The following FCHO2 variants were observed in gnomAD, a reference collection of about 807,000 sequenced individuals.
FCHO2 encodes the protein F-BAR domain only protein 2.
Under a neutral mutation model 114.1 loss-of-function variants are expected in FCHO2, and 43 were observed. The observed-to-expected ratio is 0.38, with a 90% CI of 0.30 to 0.49. The LOEUF (loss-of-function observed/expected upper bound fraction) is 0.49, where lower values mean the gene tolerates loss of function less well. FCHO2 is among the 20% of genes least tolerant of loss of function. The pLI, the probability that FCHO2 is intolerant of heterozygous loss-of-function variation, is 0.97. For synonymous variants in FCHO2, 293 were observed against 315.2 expected, an observed-to-expected ratio of 0.93 and a Z score of 0.75; for missense variants, 807 against 950.4, an observed-to-expected ratio of 0.85 and a Z score of 1.98.
At chr5:72,975,143 T>A (rs1006046503) in intron 2 of FCHO2, among the ~76,000 whole-genome samples, 2 of 152,190 alleles carry the variant, frequency 1.3e-5, no homozygotes. Context: ...ACATCACCTA[T>A]CTCTTTGTAG....
intron 10 of FCHO2, among the ~76,000 whole-genome samples, chr5:73,040,590 C>T (rs541184152): frequency 6.6e-6 from 1 of 152,254 alleles, no homozygotes; most frequent in Admixed American, 6.5e-5. Context: ...CATAGTTTTA[C>T]ATTTTAAATA....
chr5:72,994,729 G>A (rs1163683844), intron 5 of FCHO2, among the ~76,000 whole-genome samples: 1 of 152,026 alleles, frequency 6.6e-6, no homozygotes, highest in Admixed American at 6.6e-5. Context: ...GCCCATCAGT[G>A]ACATTTGATA....
chr5:73,018,254 A>G (rs1296842971), intron 8 of FCHO2, among the ~76,000 whole-genome samples: 2 of 152,182 alleles, frequency 1.3e-5, no homozygotes, highest in African/African-American at 4.8e-5. Context: ...CAATTGTATT[A>G]GTATTTTTCC....
At position 73,021,577 on chromosome 5, in the gene FCHO2, G is replaced by T. The variant is rs961945873; in HGVS notation, c.796+4269G>T. ...TTCATTCATCATGTGTTGAATGAAT[G>T]AACTCTTTAAAGAGCCCGGTTATTA... On this transcript the variant is annotated intron_variant, in intron 8 of 25. Coordinates refer to ENST00000430046, the MANE Select transcript of FCHO2 (RefSeq NM_138782.3). Among the ~76,000 whole-genome samples the T allele has an allele frequency of 7.2e-5, 11 of 152,104 alleles. No individual in the cohort carries two copies. The East Asian group carries it at 2.1e-3, about 29-fold the overall frequency.
At chr5:73,054,420 T>C in intron 14 of FCHO2, 105 bp from the exon 15 acceptor site, 1 of 1,013,686 alleles carries the variant, frequency 9.9e-7, no homozygotes, top group South Asian at 1.5e-5. Flanking sequence ...TGAGCAGATA[T>C]ACTAAAAACA....
intron 5 of FCHO2, among the ~76,000 whole-genome samples, chr5:73,003,233 C>T (rs1466389960): frequency 2.0e-5 from 3 of 152,162 alleles, no homozygotes; most frequent in Admixed American, 6.5e-5. Context: ...AGGCAGGTCT[C>T]GAACTCCTGG....
At chr5:72,975,999 G>C (rs1005746783) in intron 2 of FCHO2, among the ~76,000 whole-genome samples, 9 of 152,124 alleles carry the variant, frequency 5.9e-5, no homozygotes, top group African/African-American at 2.2e-4. Context: ...AAATACCAAG[G>C]AACGCAGTTA....
At position 73,052,540 on chromosome 5, in the gene FCHO2, A is replaced by G. The variant is rs1757390059; in HGVS notation, c.1173+33A>G. 7 of 1,514,676 alleles carry G rather than the reference A, an allele frequency of 4.6e-6. No individual in the cohort carries two copies. The South Asian group carries it at 7.7e-5, about 17-fold the overall frequency. 93.8% of individuals were successfully genotyped at this position (1,514,676 alleles called of 1,614,324 possible). A position where few individuals can be genotyped will look rare whatever the true frequency, so the allele number is the denominator to read the frequency against. On this transcript the variant is annotated intron_variant, in intron 13 of 25. Coordinates refer to ENST00000430046, the MANE Select transcript of FCHO2 (RefSeq NM_138782.3). ...CAAACACGTTTGTACTCTTTATATA[A>G]AAGTCTTTATTTTTCTTACCTACCT...
chr5:73,058,404 A>C (rs1034865468), intron 16 of FCHO2, 29 bp from the exon 17 acceptor site: 2 of 1,479,904 alleles, frequency 1.4e-6, no homozygotes, highest in Non-Finnish European at 1.8e-6. Flanking sequence ...TTCTCGTTAA[A>C]ATTTTTGCTT....
At chr5:73,072,714 G>A (rs1236474964) in intron 19 of FCHO2, among the ~76,000 whole-genome samples, 1 of 152,058 alleles carries the variant, frequency 6.6e-6, no homozygotes, top group East Asian at 1.9e-4. Context: ...GTAGAATGGT[G>A]GTTGCCAGGG....
At position 73,037,116 on chromosome 5, in the gene FCHO2, C is replaced by T. The variant is rs752119583; in HGVS notation, c.842-27C>T. 3 of 1,413,748 alleles carry T rather than the reference C, an allele frequency of 2.1e-6. No homozygotes were observed. The South Asian group carries it at 4.0e-5, about 19-fold the overall frequency. The allele number at this position is 1,413,748 out of a possible 1,614,324, so 87.6% of individuals were successfully genotyped here. A position where few individuals can be genotyped will look rare whatever the true frequency, so the allele number is the denominator to read the frequency against. Reference sequence around the variant, plus strand: ...ATGTTTATCAGGAATGTTTATGTTTCTGTAACAATATATATTTATTTTAAA... The same window carrying T: ...ATGTTTATCAGGAATGTTTATGTTTTTGTAACAATATATATTTATTTTAAA... On this transcript the variant is annotated intron_variant, in intron 9 of 25. Transcript: ENST00000430046.
At chr5:72,983,405 C>T (rs2112649904) in intron 2 of FCHO2, among the ~76,000 whole-genome samples, 1 of 151,654 alleles carries the variant, frequency 6.6e-6, no homozygotes, top group Non-Finnish European at 1.5e-5. Flanking sequence ...TTTTTTGAGA[C>T]AGTGTCTTGT....
chr5:73,037,254 T>C (rs1395209720), intron 10 of FCHO2, 39 bp downstream of exon 10: 17 of 1,442,676 alleles, frequency 1.2e-5, no homozygotes, highest in Non-Finnish European at 1.5e-5. Flanking sequence ...TTTTTGTTTT[T>C]ATAAGTGATT....
At chr5:72,975,914 T>C (rs1752843040) in intron 2 of FCHO2, among the ~76,000 whole-genome samples, 2 of 152,240 alleles carry the variant, frequency 1.3e-5, no homozygotes, top group African/African-American at 4.8e-5. Context: ...TTGGCAATTA[T>C]GAATACAGCT....
intron 6 of FCHO2, 111 bp from the exon 7 acceptor site, chr5:73,015,515 A>T (rs1269743483): frequency 8.7e-6 from 5 of 572,652 alleles, no homozygotes; most frequent in Admixed American, 4.2e-5. Context: ...CACCTGCCTC[A>T]GCCTCCCAAA....
intron 8 of FCHO2, among the ~76,000 whole-genome samples, chr5:73,033,385 G>A (rs1756334285): frequency 6.6e-6 from 1 of 151,982 alleles, no homozygotes. Context: ...TAAATCTTAG[G>A]TTTAGGGGGA....
At chr5:73,019,089 A>G (rs1755469271) in intron 8 of FCHO2, among the ~76,000 whole-genome samples, 3 of 152,204 alleles carry the variant, frequency 2.0e-5, no homozygotes, top group Non-Finnish European at 1.5e-5. Flanking sequence ...AGGTTGTGCT[A>G]CTAGTGCCAG....
intron 8 of FCHO2, among the ~76,000 whole-genome samples, chr5:73,019,198 A>G (rs1171104539): frequency 6.6e-6 from 1 of 152,200 alleles, no homozygotes; most frequent in Admixed American, 6.6e-5. Context: ...TTGGACATGT[A>G]TTAGGAGCTG....
At chr5:73,066,218 A>G (rs985476833) in intron 18 of FCHO2, among the ~76,000 whole-genome samples, 5 of 151,938 alleles carry the variant, frequency 3.3e-5, no homozygotes, top group African/African-American at 2.4e-5. Flanking sequence ...CCCTCTCCCC[A>G]TCCTTGAGAG....
Sources: allele counts gnomAD v4.1 joint callset (sites outside exome capture counted in the v4.1 genomes callset), GRCh38; gene constraint gnomAD v4.1.1; transcripts MANE v1.5; gene names NCBI Gene and HGNC (gene_info 2026-07-23, HGNC 2026-07-21).